The following CCDC57 variants were observed in gnomAD, a reference collection of about 807,000 sequenced individuals.
The protein encoded by CCDC57 is coiled-coil domain-containing protein 57.
In CCDC57, 118 loss-of-function variants were observed where a neutral mutation model predicts 118.9. The ratio of observed to expected loss-of-function variants is 0.99; its 90% CI spans 0.86 to 1.16. The LOEUF (loss-of-function observed/expected upper bound fraction) is 1.16. Among genes scored for constraint, CCDC57 ranks in the 50% most tolerant of loss-of-function variants. The pLI is 0.00. For missense variants in CCDC57, 1,300 were observed against 1,320.7 expected (o/e 0.98, Z 0.24); for synonymous variants, 527 against 532.9 (o/e 0.99, Z 0.15).
intron 3 of CCDC57, among the ~76,000 whole-genome samples, chr17:82,198,670 TTA>T (rs2048587565): frequency 6.6e-6 from 1 of 150,544 alleles, no homozygotes; most frequent in Non-Finnish European, 1.5e-5. Flanking sequence ...CAGGATACAA[TTA>T]AAAAAAAAAC....
intron 16 of CCDC57, among the ~76,000 whole-genome samples, chr17:82,141,482 G>A (rs556985062): frequency 9.2e-5 from 14 of 152,146 alleles, no homozygotes; most frequent in Non-Finnish European, 7.4e-5. Context: ...CACCGCGACT[G>A]CCCTAAAATT....
chr17:82,179,325 C>T, intron 9 of CCDC57, 136 bp from the exon 9 acceptor site: 2 of 946,216 alleles, frequency 2.1e-6, no homozygotes, highest in Non-Finnish European at 1.5e-6. Context: ...CTGACATGCT[C>T]CCGAGCTCCT....
intron 15 of CCDC57, among the ~76,000 whole-genome samples, chr17:82,152,951 C>T (rs1417637372): frequency 1.3e-5 from 2 of 152,206 alleles, no homozygotes; most frequent in African/African-American, 4.8e-5. Flanking sequence ...TCCTCTTGGA[C>T]AGAGAAAGTT....
At chr17:82,151,132 C>T (rs1568275297) in intron 16 of CCDC57, among the ~76,000 whole-genome samples, 5 of 141,362 alleles carry the variant, frequency 3.5e-5, no homozygotes, top group African/African-American at 5.3e-5. Flanking sequence ...CAGGCGCACA[C>T]CCAGAACCTG....
At chr17:82,101,818 G>C in exon 20 of CCDC57, 1 of 1,595,656 alleles carries the variant, frequency 6.3e-7, no homozygotes, top group Non-Finnish European at 8.5e-7. Flanking sequence ...GGCAATGCCT[G>C]CCTGCATCTT....
chr17:82,191,794 G>C (rs1007610721), intron 7 of CCDC57, among the ~76,000 whole-genome samples: 2 of 152,034 alleles, frequency 1.3e-5, no homozygotes, highest in African/African-American at 4.8e-5. Context: ...TACACTCCAA[G>C]TAGCTGGGAC....
chr17:82,168,553 G>A (rs1014803317), intron 13 of CCDC57, among the ~76,000 whole-genome samples: 5 of 152,180 alleles, frequency 3.3e-5, no homozygotes, highest in Non-Finnish European at 5.9e-5. Flanking sequence ...AGCCGAGATT[G>A]TGCCACTGCA....
intron 19 of CCDC57, among the ~76,000 whole-genome samples, chr17:82,121,660 G>T (rs1316806748): frequency 6.6e-6 from 1 of 152,210 alleles, no homozygotes; most frequent in Non-Finnish European, 1.5e-5. Context: ...TCCCAGAGGG[G>T]CCACCTGAGG....
chr17:82,102,177 G>A (rs1015404582), intron 19 of CCDC57, among the ~76,000 whole-genome samples: 1 of 152,154 alleles, frequency 6.6e-6, no homozygotes, highest in Non-Finnish European at 1.5e-5. Flanking sequence ...CCCAGGAGGG[G>A]GCAGGGGTGC....
chr17:82,201,503 C>T, intron 3 of CCDC57, 35 bp downstream of exon 2: 1 of 1,533,004 alleles, frequency 6.5e-7, no homozygotes. Context: ...CTCTGCCAGG[C>T]ACTGCACAGG....
intron 2 of CCDC57, among the ~76,000 whole-genome samples, chr17:82,203,040 T>C (rs1008911186): frequency 3.9e-5 from 6 of 152,222 alleles, no homozygotes; most frequent in African/African-American, 1.2e-4. Flanking sequence ...CTTTGTGGAA[T>C]TGTAATCCCC....
chr17:82,180,446 A>T (rs750143314), intron 9 of CCDC57, among the ~76,000 whole-genome samples: 5 of 152,214 alleles, frequency 3.3e-5, no homozygotes, highest in Non-Finnish European at 5.9e-5. Flanking sequence ...GTGGTAATTT[A>T]TACACAATGT....
intron 4 of CCDC57, among the ~76,000 whole-genome samples, chr17:82,195,656 A>G (rs572400100): frequency 3.0e-4 from 45 of 152,162 alleles, no homozygotes; most frequent in Non-Finnish European, 5.1e-4. Context: ...CCTTATCTCC[A>G]TTGAGTCAAT....
chr17:82,161,376 T>C (rs924196979), intron 14 of CCDC57, among the ~76,000 whole-genome samples: 1 of 152,162 alleles, frequency 6.6e-6, no homozygotes, highest in Non-Finnish European at 1.5e-5. Context: ...AGGGTGACCG[T>C]CTGACAGAGC....
In CCDC57 at chr17:82,104,178, C is replaced by T. The variant is rs545751998; in HGVS notation, c.2900-2312G>A. Among the ~76,000 whole-genome samples the T allele has an allele frequency of 7.2e-5, 11 of 152,372 alleles. No homozygotes were observed. The South Asian group carries it at 1.2e-3, about 17-fold the overall frequency. On this transcript the variant is annotated intron_variant, in intron 19 of 19. Coordinates refer to ENST00000665763, the Ensembl canonical transcript of CCDC57. Reference sequence around the variant, plus strand: ...TCTTGGCCTCCACCACTCTCTGCCCCGCCTTCTCGCCTGACCTGTTTTGCC... The same window carrying T: ...TCTTGGCCTCCACCACTCTCTGCCCTGCCTTCTCGCCTGACCTGTTTTGCC...
chr17:82,147,077 A>G (rs2040852892), intron 16 of CCDC57, among the ~76,000 whole-genome samples: 1 of 152,218 alleles, frequency 6.6e-6, no homozygotes, highest in Non-Finnish European at 1.5e-5. Flanking sequence ...GGGCTCCTCT[A>G]CTGGATGGGT....
At chr17:82,154,072 A>G (rs1039557149) in intron 15 of CCDC57, 47 of 152,468 alleles carry the variant, frequency 3.1e-4, no homozygotes, top group African/African-American at 1.1e-3. Flanking sequence ...GGACCCAGGG[A>G]TGTAACACAT....
rs763608451 is a variant in CCDC57 at position 82,210,517 on chromosome 17, C to CAAA, written c.-211+2265_-211+2267dup. On this transcript the variant is annotated intron_variant, in intron 1 of 19. Transcript: ENST00000665763. ...TGAAACCCCGTCTCTACTAAAAATA[C>CAAA]AAAAAAAAAAAAAATAGCCGGGCAT... 1.0e-3 allele frequency among the ~76,000 whole-genome samples: 133 copies of CAAA among 130,080 alleles called. 1 individual carries two copies. Among genetic ancestry groups the CAAA allele is most frequent in the South Asian group, 2.7e-3 (11 of 4,046 alleles). The allele number at this position is 130,080 out of a possible 152,430, so 85.3% of individuals were successfully genotyped here.
chr17:82,167,379 T>A (rs2044122614), intron 13 of CCDC57, among the ~76,000 whole-genome samples: 1 of 114,234 alleles, frequency 8.8e-6, no homozygotes, highest in African/African-American at 3.1e-5. Context: ...AGATGGATTT[T>A]TGCTCTTGTA....
Sources: allele counts gnomAD v4.1 joint callset (sites outside exome capture counted in the v4.1 genomes callset), GRCh38; gene constraint gnomAD v4.1.1; transcripts MANE v1.5; gene names NCBI Gene and HGNC (gene_info 2026-07-23, HGNC 2026-07-21).